Variants in CLSTN2 observed in about 807,000 individuals in gnomAD.
The protein encoded by CLSTN2 is calsyntenin-2.
CLSTN2 carries 48 observed loss-of-function variants against 101.2 expected under a neutral mutation model. The observed-to-expected ratio is 0.47, with a 90% CI of 0.38 to 0.60. CLSTN2 has a LOEUF of 0.60. Among genes scored for constraint, CLSTN2 ranks in the 20% least tolerant of loss-of-function variants. The pLI, the probability that CLSTN2 is intolerant of heterozygous loss-of-function variation, is 0.00. For missense variants in CLSTN2, 1,160 were observed against 1,238.2 expected, an observed-to-expected ratio of 0.94 and a Z score of 0.95; for synonymous variants, 481 against 463.6, an observed-to-expected ratio of 1.04 and a Z score of -0.48.
chr3:140,079,609 G>A (rs1283934970), intron 1 of CLSTN2, among the ~76,000 whole-genome samples: 1 of 151,980 alleles, frequency 6.6e-6, no homozygotes, highest in Non-Finnish European at 1.5e-5. Flanking sequence ...AAATTAGCCG[G>A]GCATGGTGGC....
At chr3:140,417,629 A>G (rs1226854692) in intron 4 of CLSTN2, among the ~76,000 whole-genome samples, 1 of 152,170 alleles carries the variant, frequency 6.6e-6, no homozygotes, top group African/African-American at 2.4e-5. Context: ...CCTTTGGAGA[A>G]ATAGCTCCAG....
rs74884664 is a variant in CLSTN2, at chr3:139,935,456, C to T, written c.82C>T (p.Arg28Trp). The change falls in exon 1 of 17, where the codon CGG becomes TGG. Residue 28 changes from arginine (R) to tryptophan (W), a missense_variant. Transcript: ENST00000458420. The surrounding 1 kb of genome is among the most constrained non-coding windows in gnomAD (Gnocchi z 5.5). ...CGGCAGCGGCGGTGGCGGGGACAGCCGGCAGCGCCGCCTCCTCGCGGCTAA... is the reference window on the plus strand; with the variant it reads ...CGGCAGCGGCGGTGGCGGGGACAGCTGGCAGCGCCGCCTCCTCGCGGCTAA... ...GSGSGGGGDS[R>W]QRRLLAAKVN... 1 of 1,231,242 alleles carries T rather than the reference C, an allele frequency of 8.1e-7. No individual in the cohort carries two copies. The highest frequency in any genetic ancestry group is 1.0e-6 in the Non-Finnish European group (1 of 987,100). The allele number at this position is 1,231,242 out of a possible 1,614,324, so 76.3% of individuals were successfully genotyped here.
chr3:140,399,875 CCT>C (rs1192102882), intron 2 of CLSTN2, among the ~76,000 whole-genome samples: 4 of 152,038 alleles, frequency 2.6e-5, no homozygotes, highest in African/African-American at 7.2e-5. Flanking sequence ...CCTCCCTCCC[CCT>C]GTTTGTATTC....
At chr3:140,496,700 G>A (rs1934473447) in intron 8 of CLSTN2, among the ~76,000 whole-genome samples, 1 of 152,130 alleles carries the variant, frequency 6.6e-6, no homozygotes, top group Admixed American at 6.6e-5. Context: ...CAAAGGCGCA[G>A]GGTGGGTACT....
At chr3:140,488,800 G>A (rs1204433570) in intron 8 of CLSTN2, among the ~76,000 whole-genome samples, 3 of 151,842 alleles carry the variant, frequency 2.0e-5, no homozygotes, top group Non-Finnish European at 2.9e-5. Flanking sequence ...TGCACTAAAA[G>A]ATTCCAGAGT....
intron 8 of CLSTN2, among the ~76,000 whole-genome samples, chr3:140,522,555 G>C (rs1175074784): frequency 3.3e-5 from 5 of 152,186 alleles, no homozygotes; most frequent in Non-Finnish European, 7.3e-5. Context: ...AAGGCTGTTG[G>C]AGTAAAGAAT....
intron 12 of CLSTN2, among the ~76,000 whole-genome samples, chr3:140,560,953 C>T (rs1935900604): frequency 6.6e-6 from 1 of 151,808 alleles, no homozygotes; most frequent in Non-Finnish European, 1.5e-5. Flanking sequence ...TTGTGATTGA[C>T]AAGCATTTAA....
chr3:140,313,851 C>A (rs2087199514), intron 2 of CLSTN2, among the ~76,000 whole-genome samples: 1 of 152,220 alleles, frequency 6.6e-6, no homozygotes, highest in African/African-American at 2.4e-5. Context: ...GGGAAGGTGA[C>A]ATCTGCCAGT....
At chr3:140,420,208 G>A (rs1302302862) in intron 4 of CLSTN2, among the ~76,000 whole-genome samples, 1 of 149,828 alleles carries the variant, frequency 6.7e-6, no homozygotes, top group Non-Finnish European at 1.5e-5. Context: ...TTGTTCATTT[G>A]TTTTTTAATT....
intron 8 of CLSTN2, among the ~76,000 whole-genome samples, chr3:140,517,953 G>T (rs2107771777): frequency 6.6e-6 from 1 of 152,290 alleles, no homozygotes; most frequent in Middle Eastern, 3.4e-3. Context: ...TGGTGGCAGG[G>T]TTAGGTGTGT....
intron 2 of CLSTN2, among the ~76,000 whole-genome samples, chr3:140,186,249 G>A (rs1055678097): frequency 3.3e-5 from 5 of 152,158 alleles, no homozygotes; most frequent in Admixed American, 3.3e-4. Context: ...AACAAGCTTA[G>A]ACAAGTTAAT....
At chr3:140,374,689 C>T (rs927079155) in intron 2 of CLSTN2, among the ~76,000 whole-genome samples, 1 of 152,090 alleles carries the variant, frequency 6.6e-6, no homozygotes, top group Non-Finnish European at 1.5e-5. Context: ...AAATAGAAAA[C>T]CTAAATGATC....
In CLSTN2 at chr3:140,491,876, G is replaced by A. The variant is rs1323373073; in HGVS notation, c.1344+25145G>A. Among the ~76,000 whole-genome samples, 30 of 152,174 alleles carry A rather than the reference G, an allele frequency of 2.0e-4. 1 individual carries two copies. The highest frequency in any genetic ancestry group is 1.8e-3 in the Admixed American group (27 of 15,274). On this transcript the variant is annotated intron_variant, in intron 8 of 16. Coordinates refer to ENST00000458420, the MANE Select transcript of CLSTN2 (RefSeq NM_022131.3). ...AAATAAAAATATTAAGAAAGTGACA[G>A]AAGAGGTATGTGAATTTGTTCATTT... is the stretch of plus-strand genomic sequence containing the variant.
At chr3:140,090,713 T>A (rs2008764040) in intron 1 of CLSTN2, among the ~76,000 whole-genome samples, 1 of 151,946 alleles carries the variant, frequency 6.6e-6, no homozygotes, top group Non-Finnish European at 1.5e-5. Flanking sequence ...CTGGAGGAAG[T>A]GAGGCTGACT....
intron 2 of CLSTN2, among the ~76,000 whole-genome samples, chr3:140,329,539 C>T (rs546445821): frequency 1.3e-5 from 2 of 152,074 alleles, no homozygotes; most frequent in East Asian, 3.9e-4. Context: ...CAAACTCTAA[C>T]CCTCTAGTGA....
At chr3:140,092,959 G>A (rs1237745051) in intron 1 of CLSTN2, among the ~76,000 whole-genome samples, 1 of 152,176 alleles carries the variant, frequency 6.6e-6, no homozygotes, top group Non-Finnish European at 1.5e-5. Context: ...GATGGAGGGT[G>A]CTGATCAGCT....
In CLSTN2 at chr3:140,253,393, C is replaced by T. The variant is rs563696454; in HGVS notation, c.232+77320C>T. ...GCTCCTCTGAACTCCATCTACTGTG[C>T]ATGTGGCACTGGAGGAGTCTGACGT... On this transcript the variant is annotated intron_variant, in intron 2 of 16. Transcript: ENST00000458420. Among the ~76,000 whole-genome samples the T allele has an allele frequency of 2.7e-4, 41 of 152,296 alleles. No individual in the cohort carries two copies. The South Asian group carries it at 8.1e-3, about 30-fold the overall frequency.
chr3:139,937,788 A>G (rs1050595910), intron 1 of CLSTN2, among the ~76,000 whole-genome samples: 3 of 152,106 alleles, frequency 2.0e-5, no homozygotes, highest in African/African-American at 7.2e-5. Context: ...TTGTTTTTCC[A>G]GGGTAAAAAG....
chr3:139,980,163 GCAAACCTTAAAACTCTATTGC>G (rs749203746), intron 1 of CLSTN2, among the ~76,000 whole-genome samples: 1 of 152,044 alleles, frequency 6.6e-6, no homozygotes, highest in Non-Finnish European at 1.5e-5. Flanking sequence ...GTCTGAAAAT[GCAAACCTTAAAACTCTATTGC>G]CTTCCCAGGC....
Sources: allele counts gnomAD v4.1 joint callset (sites outside exome capture counted in the v4.1 genomes callset), GRCh38; gene constraint gnomAD v4.1.1; non-coding constraint Gnocchi (gnomAD v3.1); transcripts MANE v1.5; gene names NCBI Gene and HGNC (gene_info 2026-07-23, HGNC 2026-07-21).